The following ANXA4 variants were observed in gnomAD, a reference collection of about 807,000 sequenced individuals.
ANXA4 encodes 35-beta calcimedin.
ANXA4 carries 39 observed loss-of-function variants against 49.8 expected under a neutral mutation model. The observed-to-expected ratio is 0.78, with a 90% CI of 0.61 to 1.02. ANXA4 has a LOEUF of 1.02. ANXA4 is among the 50% of genes least tolerant of loss of function. The pLI is 0.00. For missense variants in ANXA4, 360 were observed against 410.1 expected (o/e 0.88, Z 1.05); for synonymous variants, 134 against 152.5 (o/e 0.88, Z 0.89).
intron 2 of ANXA4, among the ~76,000 whole-genome samples, chr2:69,702,251 G>A (rs1462590221): frequency 6.6e-6 from 1 of 152,002 alleles, no homozygotes. Context: ...GACCTCAAAT[G>A]ATCCGCCTGC....
At chr2:69,671,047 A>G (rs975933880) in intron 2 of ANXA4, among the ~76,000 whole-genome samples, 4 of 151,010 alleles carry the variant, frequency 2.6e-5, no homozygotes, top group African/African-American at 9.7e-5. Flanking sequence ...AAAAAAAAAA[A>G]AAGAAGGGAA....
rs900698033 is a variant in ANXA4, at chr2:69,808,050, A to G, written c.397+54A>G. 9.8e-6 allele frequency: 15 copies of G among 1,535,128 alleles called. No individual in the cohort carries two copies. The African/African-American group carries it at 1.5e-4, about 15-fold the overall frequency. ...GAGGTTTCGCTGTGATTAGAGAATGAGGGTAGCAGCGGGTTGTTGTTTGCT... is the reference window on the plus strand; with the variant it reads ...GAGGTTTCGCTGTGATTAGAGAATGGGGGTAGCAGCGGGTTGTTGTTTGCT... On this transcript the variant is annotated intron_variant, in intron 6 of 12. Coordinates refer to ENST00000394295, the MANE Select transcript of ANXA4 (RefSeq NM_001153.5).
intron 3 of ANXA4, among the ~76,000 whole-genome samples, chr2:69,802,209 A>G (rs1317039423): frequency 6.6e-6 from 1 of 152,250 alleles, no homozygotes; most frequent in African/African-American, 2.4e-5. Context: ...TTTTACAAAA[A>G]TGAATCTGGC....
At chr2:69,720,181 C>G (rs893288524) in intron 2 of ANXA4, among the ~76,000 whole-genome samples, 1 of 152,152 alleles carries the variant, frequency 6.6e-6, no homozygotes, top group Non-Finnish European at 1.5e-5. Flanking sequence ...ACTTGGCCCT[C>G]GGAGGGCTGG....
intron 2 of ANXA4, among the ~76,000 whole-genome samples, chr2:69,683,309 C>T (rs1305150585): frequency 2.6e-5 from 4 of 152,156 alleles, no homozygotes; most frequent in African/African-American, 9.7e-5. Flanking sequence ...TCATACAAAC[C>T]TCTTCCTGCA....
At chr2:69,769,534 G>GTGTTTAATAAGTGTTCCC (rs1671629537) in intron 1 of ANXA4, among the ~76,000 whole-genome samples, 1 of 152,200 alleles carries the variant, frequency 6.6e-6, no homozygotes, top group African/African-American at 2.4e-5. Flanking sequence ...ACATGGAGGA[G>GTGTTTAATAAGTGTTCCC]TGTTTAATAA....
chr2:69,805,484 TA>T lies in ANXA4; in HGVS notation c.192+859del, dbSNP rs539057592. On this transcript the variant is annotated intron_variant, in intron 4 of 12. Transcript: ENST00000394295. ...AGCTGGGCATGGTGGTGGGCACCTG[TA>T]ATCCCAGCTACTTGGGAGACTGAGG... Among the ~76,000 whole-genome samples the T allele has an allele frequency of 5.0e-3, 766 of 151,892 alleles. 9 individuals carry two copies. Among genetic ancestry groups the T allele is most frequent in the African/African-American group, 0.018 (737 of 41,382 alleles).
chr2:69,674,577 A>G (rs1677324395), intron 2 of ANXA4, among the ~76,000 whole-genome samples: 1 of 152,228 alleles, frequency 6.6e-6, no homozygotes, highest in Non-Finnish European at 1.5e-5. Context: ...GTGAAGGAAC[A>G]TGTACCTAAT....
intron 3 of ANXA4, among the ~76,000 whole-genome samples, chr2:69,788,410 C>T (rs1423685286): frequency 6.6e-6 from 1 of 152,092 alleles, no homozygotes; most frequent in Admixed American, 6.5e-5. Context: ...CGTGGTGGCA[C>T]ACACCTGTAA....
In ANXA4 at chr2:69,774,106, A is replaced by G. The variant is rs931227228; in HGVS notation, c.-46-7414A>G. On this transcript the variant is annotated intron_variant, in intron 1 of 12. Transcript: ENST00000394295. ...CCACAATGCTGGGATTACAGGCGTGAGCCATCTCACCCTGCCCTATGTGTT... is the reference window on the plus strand; with the variant it reads ...CCACAATGCTGGGATTACAGGCGTGGGCCATCTCACCCTGCCCTATGTGTT... Among the ~76,000 whole-genome samples the G allele has an allele frequency of 2.0e-5, 3 of 151,998 alleles. No homozygotes were observed. In the East Asian group the frequency reaches 5.8e-4, roughly 29 times the overall value.
rs562228469 is a variant in ANXA4 at position 69,765,981 on chromosome 2, A to C, written c.-46-15539A>C. On this transcript the variant is annotated intron_variant, in intron 1 of 12. Coordinates refer to ENST00000394295, the MANE Select transcript of ANXA4 (RefSeq NM_001153.5). ...CTTGCAGGCCCGCTATGTGCAAGGC[A>C]CTGCTAAAATTTAGAAACAGGAAAG... Among the ~76,000 whole-genome samples, 39 of 152,356 alleles carry C rather than the reference A, an allele frequency of 2.6e-4. 1 individual carries two copies. The South Asian group carries it at 8.1e-3, about 32-fold the overall frequency.
intron 1 of ANXA4, among the ~76,000 whole-genome samples, chr2:69,766,185 G>A (rs186620578): frequency 1.1e-4 from 16 of 152,242 alleles, no homozygotes; most frequent in Admixed American, 5.9e-4. Flanking sequence ...AACTCTATAC[G>A]CCACAGATGT....
At chr2:69,813,919 G>A (rs914841221) in intron 8 of ANXA4, among the ~76,000 whole-genome samples, 4 of 151,482 alleles carry the variant, frequency 2.6e-5, no homozygotes, top group African/African-American at 7.3e-5. Context: ...ACCACCACCC[G>A]GCTAGTTTTT....
rs1224011201 is a variant in ANXA4 at position 69,656,259 on chromosome 2, GTA to G, written n.766+2985_766+2986del. Among the ~76,000 whole-genome samples the G allele has an allele frequency of 6.8e-4, 81 of 119,866 alleles. 3 individuals are homozygous for G. The highest frequency in any genetic ancestry group is 2.2e-3 in the South Asian group (8 of 3,606). 78.6% of individuals were successfully genotyped at this position (119,866 alleles called of 152,430 possible). On this transcript the variant is annotated intron_variant and non_coding_transcript_variant, in intron 2 of 3. Transcript: ENST00000418066. ...TATATACGTATATATATGTATATAC[GTA>G]TATATATGTATATACGTATATATAT...
intron 1 of ANXA4, among the ~76,000 whole-genome samples, chr2:69,764,411 T>C (rs1038982435): frequency 6.6e-6 from 1 of 152,214 alleles, no homozygotes; most frequent in African/African-American, 2.4e-5. Flanking sequence ...ATAACAGTTA[T>C]ACTTGAGGAG....
At chr2:69,770,929 T>TA (rs879329077) in intron 1 of ANXA4, among the ~76,000 whole-genome samples, 2 of 131,586 alleles carry the variant, frequency 1.5e-5, no homozygotes, top group African/African-American at 2.7e-5. Flanking sequence ...TCTAGAAAAT[T>TA]TAAAAAAAAA....
At chr2:69,783,149 T>A (rs1672270156) in intron 2 of ANXA4, among the ~76,000 whole-genome samples, 1 of 152,212 alleles carries the variant, frequency 6.6e-6, no homozygotes, top group African/African-American at 2.4e-5. Flanking sequence ...ATGTTTATAT[T>A]ACATTTCATA....
At chr2:69,747,858 A>T (rs1167797234) in intron 1 of ANXA4, among the ~76,000 whole-genome samples, 2 of 151,800 alleles carry the variant, frequency 1.3e-5, no homozygotes, top group Non-Finnish European at 2.9e-5. Context: ...ATTATTATTT[A>T]AAAATTTTGC....
intron 1 of ANXA4, among the ~76,000 whole-genome samples, chr2:69,745,807 A>G (rs770293403): frequency 1.3e-5 from 2 of 152,098 alleles, no homozygotes; most frequent in Non-Finnish European, 2.9e-5. Flanking sequence ...CTGGGATTAC[A>G]GGTGTGAGCC....
Sources: gnomAD v4.1 joint callset for allele counts (sites outside exome capture counted in the v4.1 genomes callset) on GRCh38, gnomAD v4.1.1 for gene constraint, MANE v1.5 for transcripts, NCBI Gene and HGNC (gene_info 2026-07-23, HGNC 2026-07-21) for gene names.